Variants in MYLK2 observed in about 807,000 individuals in gnomAD.
MYLK2 encodes the protein myosin light chain kinase 2.
Under a neutral mutation model 58.2 loss-of-function variants are expected in MYLK2, and 27 were observed. That is an observed-to-expected ratio of 0.46 (90% CI 0.34 to 0.64). MYLK2 has a LOEUF of 0.64. Among genes scored for constraint, MYLK2 ranks in the 30% least tolerant of loss-of-function variants. The probability of loss-of-function intolerance (pLI) is 0.01; values close to 1 mark genes in which losing one functional copy is unlikely to be tolerated. For missense variants in MYLK2, 676 were observed against 764.3 expected, an observed-to-expected ratio of 0.88 and a Z score of 1.36; for synonymous variants, 310 against 296.7, an observed-to-expected ratio of 1.04 and a Z score of -0.46.
chr20:31,826,774 C>A, intron 7 of MYLK2, 23 bp from the exon 8 acceptor site: 2 of 1,614,032 alleles, frequency 1.2e-6, no homozygotes, highest in Non-Finnish European at 1.7e-6. Context: ...CGGAGCAAGC[C>A]GTGGAGGGGT....
At position 31,820,193 on chromosome 20, in the gene MYLK2, C is replaced by A. The variant is rs1371410246; in HGVS notation, c.120C>A (p.Asp40Glu). ...LAAGKDPGPP[D>E]PKKAPDPPTL... is the part of the protein sequence containing the mutation. ...CAGGGAAAGACCCTGGCCCCCCAGA[C>A]CCAAAGAAAGCTCCGGATCCACCCA... Residue 40 changes from aspartate to glutamate, a missense_variant, in exon 3 of 13, where the codon GAC becomes GAA. This residue lies in a region of MYLK2 where 306 missense variants were observed against 296.5 expected (regional missense o/e 1.03). Coordinates refer to ENST00000375985, the MANE Select transcript of MYLK2 (RefSeq NM_033118.4). 3.7e-6 allele frequency: 6 copies of A among 1,614,032 alleles called. No individual in the cohort carries two copies. In the East Asian group the frequency reaches 1.1e-4, roughly 30 times the overall value.
chr20:31,820,360 C>T lies in MYLK2; in HGVS notation c.287C>T (p.Ala96Val), dbSNP rs772745416. The change falls in exon 3 of 13, where the codon GCC becomes GTC. Residue 96 changes from alanine (A) to valine (V), a missense_variant. Ala to Val is a moderately conservative substitution (Grantham distance 64). Transcript: ENST00000375985. ...GAGGGCAGTGCTGGGCCCCCGGCAG[C>T]CCTGCCCCAGCAGACTGCGACACCT... ...PAEGSAGPPA[A>V]LPQQTATPET... 2 of 1,612,576 alleles carry T rather than the reference C, an allele frequency of 1.2e-6. No homozygotes were observed. The highest frequency in any genetic ancestry group is 2.7e-5 in the African/African-American group (2 of 74,938).
chr20:31,820,516 A>C lies in MYLK2; in HGVS notation c.443A>C (p.His148Pro). ...AARRGSPAFL[H>P]SPSCPAIISS... Reference sequence around the variant, plus strand: ...AGGAGGGGCTCACCTGCCTTTCTGCATAGCCCCAGCTGTCCTGCCATCATC... The same window carrying C: ...AGGAGGGGCTCACCTGCCTTTCTGCCTAGCCCCAGCTGTCCTGCCATCATC... The change falls in exon 3 of 13, where the codon CAT becomes CCT. Residue 148 changes from histidine (H) to proline (P), a missense_variant. By Grantham distance (77) the His-to-Pro change is moderately conservative. This residue lies in a region of MYLK2 where 306 missense variants were observed against 296.5 expected (regional missense o/e 1.03). Transcript: ENST00000375985. The C allele has an allele frequency of 6.2e-7, 1 of 1,603,476 alleles. No homozygotes were observed. The highest frequency in any genetic ancestry group is 8.5e-7 in the Non-Finnish European group (1 of 1,179,976).
chr20:31,830,924 CCT>C, intron 9 of MYLK2, 35 bp downstream of exon 9: 1 of 1,613,602 alleles, frequency 6.2e-7, no homozygotes, highest in Non-Finnish European at 8.5e-7. Flanking sequence ...GCAAGACAAG[CCT>C]CTGAGTTGGC....
At position 31,834,087 on chromosome 20, in the gene MYLK2, T is replaced by G; in HGVS notation, c.*290T>G. 34 of 455,812 alleles carry G rather than the reference T, an allele frequency of 7.5e-5. No individual in the cohort carries two copies. Among genetic ancestry groups the G allele is most frequent in the East Asian group, 1.2e-4 (3 of 24,036 alleles). The allele number at this position is 455,812 out of a possible 1,614,324, so 28.2% of individuals were successfully genotyped here. Reference sequence around the variant, plus strand: ...AGGCCCCCGTTGAAGCCGCTCCCGGTTCCCTCCCCAGCTCCTCGTCTTTGA... The same window carrying G: ...AGGCCCCCGTTGAAGCCGCTCCCGGGTCCCTCCCCAGCTCCTCGTCTTTGA... On this transcript the variant is annotated 3_prime_UTR_variant, in exon 13 of 13. Transcript: ENST00000375985.
Position 31,821,430 on chromosome 20 carries a change from A to T in MYLK2, c.474-9A>T. The T allele has an allele frequency of 1.2e-6, 2 of 1,612,968 alleles. No homozygotes were observed. The highest frequency in any genetic ancestry group is 1.7e-6 in the Non-Finnish European group (2 of 1,180,018). On this transcript the variant is annotated splice_polypyrimidine_tract_variant and intron_variant, in intron 3 of 12. Transcript: ENST00000375985. The stretch of plus-strand genomic sequence containing the variant: ...CTGAGGGCTTCACCTCTGTGTTCTC[A>T]CCTTCTAGTTCTGAGAAGCTGCTGG...
At chr20:31,831,634 C>G in intron 10 of MYLK2, 69 bp from the exon 11 acceptor site, 2 of 1,572,990 alleles carry the variant, frequency 1.3e-6, no homozygotes, top group Non-Finnish European at 1.7e-6. Context: ...CCCCTGTTCC[C>G]TACCCCTCTG....
Position 31,825,652 on chromosome 20 carries a change from G to A in MYLK2, c.973-953G>A, listed in dbSNP as rs964283356. Among the ~76,000 whole-genome samples, 26 of 152,106 alleles carry A rather than the reference G, an allele frequency of 1.7e-4. 1 individual carries two copies. Among genetic ancestry groups the A allele is most frequent in the Admixed American group, 1.6e-3 (25 of 15,266 alleles). On this transcript the variant is annotated intron_variant, in intron 6 of 12. Coordinates refer to ENST00000375985, the MANE Select transcript of MYLK2 (RefSeq NM_033118.4). ...GATGGGGGCGCTTTTAGATAGGGAG[G>A]TGAGATCAGTCCTCTCTGAGAAAGA... is the stretch of plus-strand genomic sequence containing the variant.
chr20:31,825,148 C>T (rs549765865), intron 6 of MYLK2, among the ~76,000 whole-genome samples: 7 of 152,218 alleles, frequency 4.6e-5, no homozygotes, highest in Non-Finnish European at 1.0e-4. Context: ...GGCACAGGCC[C>T]GACCCCAGTG....
chr20:31,821,183 T>A (rs1422585028), intron 3 of MYLK2, among the ~76,000 whole-genome samples: 1 of 152,218 alleles, frequency 6.6e-6, no homozygotes, highest in African/African-American at 2.4e-5. Context: ...GCTACATAAC[T>A]CCCTAGTTGT....
chr20:31,826,799 T>C lies in MYLK2; in HGVS notation c.1085T>C (p.Ile362Thr). 6.2e-7 allele frequency: 1 copy of C among 1,614,074 alleles called. No homozygotes were observed. The highest frequency in any genetic ancestry group is 8.5e-7 in the Non-Finnish European group (1 of 1,180,014). Residue 362 changes from isoleucine (I) to threonine (T), a missense_variant and splice_region_variant, in exon 8 of 13, where the codon ATC (isoleucine) becomes ACC (threonine). This residue lies in a region of MYLK2 where 370 missense variants were observed against 467.8 expected (regional missense o/e 0.79). Coordinates refer to ENST00000375985, the MANE Select transcript of MYLK2 (RefSeq NM_033118.4). ...CGTGGAGGGGTCTGTGCACACAGCA[T>C]CGAGGGCGGAGAGCTCTTCGAGAGG... ...PHEIVLFMEY[I>T]EGGELFERIV...
chr20:31,825,413 G>A (rs1439709068), intron 6 of MYLK2, among the ~76,000 whole-genome samples: 1 of 152,142 alleles, frequency 6.6e-6, no homozygotes, highest in Non-Finnish European at 1.5e-5. Context: ...GCACTTCTCT[G>A]CCATTCAGTG....
intron 6 of MYLK2, among the ~76,000 whole-genome samples, chr20:31,826,355 G>C (rs140644585): frequency 3.3e-5 from 5 of 152,028 alleles, no homozygotes; most frequent in Admixed American, 6.6e-5. Flanking sequence ...AAGCGGTGAG[G>C]GGGGAGGATG....
chr20:31,828,522 C>G (rs1400864781), intron 8 of MYLK2: 1 of 981,460 alleles, frequency 1.0e-6, no homozygotes, highest in Admixed American at 6.1e-5. Context: ...AGGAAATGGT[C>G]CCTGTCTCAT....
chr20:31,827,048 A>T (rs938158334), intron 8 of MYLK2, 110 bp downstream of exon 8: 2 of 1,553,600 alleles, frequency 1.3e-6, no homozygotes, highest in Non-Finnish European at 1.7e-6. Context: ...CTCTTCCTTC[A>T]TCCATCCTTC....
chr20:31,821,916 T>C (rs1484844552), intron 4 of MYLK2, among the ~76,000 whole-genome samples, 179 bp downstream of exon 4: 1 of 152,188 alleles, frequency 6.6e-6, no homozygotes, highest in African/African-American at 2.4e-5. Flanking sequence ...CGTATGTTTA[T>C]TCATTTGTTT....
rs375290219 is a variant in MYLK2, at chr20:31,831,161, G to C, written c.1424+20G>C. On this transcript the variant is annotated intron_variant, in intron 10 of 12. Transcript: ENST00000375985. ...CATGCTGTGAGCTCCCAGGCGGGTC[G>C]TGTTTATGGGGTTGGTGGGGCATGG... The C allele has an allele frequency of 8.1e-6, 13 of 1,613,974 alleles. No individual in the cohort carries two copies. In the South Asian group the frequency reaches 1.4e-4, roughly 18 times the overall value.
chr20:31,826,998 TG>T, intron 8 of MYLK2, 60 bp downstream of exon 8: 1 of 1,609,922 alleles, frequency 6.2e-7, no homozygotes, highest in Non-Finnish European at 8.5e-7. Flanking sequence ...CTGAGATCAG[TG>T]CTGTCACCAG....
At chr20:31,827,659 C>A (rs1600411625) in intron 8 of MYLK2, 3 of 525,712 alleles carry the variant, frequency 5.7e-6, no homozygotes, top group Non-Finnish European at 2.4e-6. Context: ...GCTGGGATTA[C>A]AGACACCTGC....
Sources: gnomAD v4.1 joint callset for allele counts (sites outside exome capture counted in the v4.1 genomes callset) on GRCh38, gnomAD v4.1.1 for gene constraint, gnomAD v4.1.1 regional missense constraint, MANE v1.5 for transcripts, NCBI Gene and HGNC (gene_info 2026-07-23, HGNC 2026-07-21) for gene names.